CHODL: variants seen among roughly 807,000 people sequenced by gnomAD.
CHODL encodes transmembrane protein MT75.
A neutral mutation model predicts 34.5 loss-of-function variants in CHODL; 29 were observed. That is an observed-to-expected ratio of 0.84 (90% confidence interval 0.63 to 1.15). The LOEUF is 1.15. CHODL is among the 50% of genes most tolerant of loss of function. The pLI is 0.00. For synonymous variants in CHODL, 125 were observed against 116.1 expected, an observed-to-expected ratio of 1.08 and a Z score of -0.49; for missense variants, 332 against 332.5, an observed-to-expected ratio of 1.00 and a Z score of 0.01.
At chr21:17,964,352 C>T (rs1473170551) in intron 1 of CHODL, among the ~76,000 whole-genome samples, 1 of 152,010 alleles carries the variant, frequency 6.6e-6, no homozygotes, top group African/African-American at 2.4e-5. Context: ...CACACAGTCA[C>T]ACACACACAC....
At chr21:18,251,156 G>A (rs527941933) in intron 1 of CHODL, among the ~76,000 whole-genome samples, 12 of 151,104 alleles carry the variant, frequency 7.9e-5, no homozygotes, top group African/African-American at 2.9e-4. Context: ...ATTGCCAAGA[G>A]CATTTAAACC....
At chr21:18,139,513 T>G (rs183921471) in intron 2 of CHODL, among the ~76,000 whole-genome samples, 21 of 151,962 alleles carry the variant, frequency 1.4e-4, no homozygotes, top group Middle Eastern at 3.4e-3. Flanking sequence ...AGAGACTGAG[T>G]TAATGGAAGG....
At chr21:18,114,055 C>T (rs1299718507) in intron 2 of CHODL, among the ~76,000 whole-genome samples, 3 of 152,104 alleles carry the variant, frequency 2.0e-5, no homozygotes, top group Admixed American at 2.0e-4. Flanking sequence ...ATACAAACAT[C>T]ACATGTTCTC....
At chr21:18,006,997 G>T (rs565748930) in intron 1 of CHODL, among the ~76,000 whole-genome samples, 1 of 152,212 alleles carries the variant, frequency 6.6e-6, no homozygotes, top group South Asian at 2.1e-4. Flanking sequence ...TCTAATTTGG[G>T]GTTCAGTTGC....
chr21:18,171,838 C>G (rs114202132), intron 2 of CHODL, among the ~76,000 whole-genome samples: 2,981 of 151,766 alleles, frequency 0.02, 93 homozygotes, highest in African/African-American at 0.068. Flanking sequence ...AGTTAGCTTA[C>G]TGGCCAGCTA....
rs895136642 is a variant in CHODL at position 17,956,467 on chromosome 21, G to A, written c.-145+39067G>A. 7.3e-5 allele frequency among the ~76,000 whole-genome samples: 10 copies of A among 136,516 alleles called. 1 individual carries two copies. The highest frequency in any genetic ancestry group is 2.5e-4 in the African/African-American group (10 of 39,866). 89.6% of individuals were successfully genotyped at this position (136,516 alleles called of 152,430 possible). ...ACCTAGTCTCAGATATTTCTTTATT[G>A]CAATGCAAGAACAACCTAAGATACC... On this transcript the variant is annotated intron_variant, in intron 1 of 6. Coordinates refer to the CHODL transcript ENST00000400127.
chr21:17,917,504 A>G (rs1424184348), intron 1 of CHODL: 1 of 152,220 alleles, frequency 6.6e-6, no homozygotes, highest in Non-Finnish European at 1.5e-5. Context: ...GGGGCTAGCG[A>G]CCACAGAGAG....
intron 2 of CHODL, among the ~76,000 whole-genome samples, chr21:18,057,834 A>T (rs914232633): frequency 2.6e-5 from 4 of 152,120 alleles, no homozygotes; most frequent in African/African-American, 7.2e-5. Flanking sequence ...CTTTAAAAAA[A>T]ACTTAAAAAT....
At chr21:17,994,885 G>A (rs1276881847) in intron 1 of CHODL, among the ~76,000 whole-genome samples, 1 of 152,144 alleles carries the variant, frequency 6.6e-6, no homozygotes, top group South Asian at 2.1e-4. Context: ...CACTGGAGGG[G>A]GATGGGGTTA....
intron 2 of CHODL, among the ~76,000 whole-genome samples, chr21:18,109,801 T>G (rs1346320611): frequency 6.6e-6 from 1 of 152,118 alleles, no homozygotes; most frequent in Non-Finnish European, 1.5e-5. Flanking sequence ...ATAAGTATTC[T>G]TTTCCTAAGT....
intron 2 of CHODL, among the ~76,000 whole-genome samples, chr21:18,116,020 T>G (rs2065408397): frequency 6.6e-6 from 1 of 152,204 alleles, no homozygotes; most frequent in African/African-American, 2.4e-5. Context: ...TCTTAATACA[T>G]TTCCTACTTT....
intron 1 of CHODL, among the ~76,000 whole-genome samples, chr21:17,957,258 T>G (rs1478648451): frequency 6.6e-6 from 1 of 152,180 alleles, no homozygotes; most frequent in African/African-American, 2.4e-5. Flanking sequence ...CAACCGTGTC[T>G]CATATCTAGT....
chr21:17,966,125 G>A lies in CHODL; in HGVS notation c.-145+48725G>A, dbSNP rs143496969. ...AGGTTCAGATTTGATAAGAAATGAT[G>A]GAGAGATGGCATTCATGTCATCAGC... is the stretch of plus-strand genomic sequence containing the variant. On this transcript the variant is annotated intron_variant, in intron 1 of 6. Transcript: ENST00000400127. Among the ~76,000 whole-genome samples the A allele has an allele frequency of 4.1e-3, 620 of 152,098 alleles. 8 individuals are homozygous for A. Among genetic ancestry groups the A allele is most frequent in the African/African-American group, 0.014 (599 of 41,492 alleles).
intron 1 of CHODL, among the ~76,000 whole-genome samples, chr21:18,248,180 T>G (rs1327294390): frequency 1.3e-5 from 2 of 151,876 alleles, no homozygotes; most frequent in Non-Finnish European, 2.9e-5. Context: ...TTTAGGAGAC[T>G]GGGTGATTTA....
At chr21:18,209,833 C>T (rs1242917209) in intron 2 of CHODL, among the ~76,000 whole-genome samples, 1 of 152,136 alleles carries the variant, frequency 6.6e-6, no homozygotes, top group Non-Finnish European at 1.5e-5. Context: ...GGAGCTAGGA[C>T]CTGGAATGGG....
chr21:18,266,148 C>G lies in CHODL; in HGVS notation c.*110C>G. The G allele has an allele frequency of 6.3e-7, 1 of 1,596,398 alleles. No individual in the cohort carries two copies. The highest frequency in any genetic ancestry group is 8.6e-7 in the Non-Finnish European group (1 of 1,169,488). ...AATCACAAAGGATCTGCAAGATGAA[C>G]TGTAAGCTCCCCCTTGAGGCAAATA... On this transcript the variant is annotated 3_prime_UTR_variant, in exon 6 of 6. Coordinates refer to ENST00000299295, the MANE Select transcript of CHODL (RefSeq NM_024944.3).
At chr21:18,263,270 C>A (rs960713237) in intron 5 of CHODL, among the ~76,000 whole-genome samples, 1 of 152,106 alleles carries the variant, frequency 6.6e-6, no homozygotes, top group Non-Finnish European at 1.5e-5. Flanking sequence ...TAATGCTAAA[C>A]TTTTCAATCT....
intron 1 of CHODL, among the ~76,000 whole-genome samples, chr21:17,991,231 G>A (rs192358052): frequency 2.6e-5 from 4 of 152,040 alleles, no homozygotes; most frequent in East Asian, 3.9e-4. Context: ...TTGATTTCTT[G>A]TCTTGGCTTT....
At position 18,174,157 on chromosome 21, in the gene CHODL, A is replaced by ATATATATATATATATATATATATG. The variant is rs1555879240; in HGVS notation, c.-44-82348_-44-82347insTATATATATATATATATATGTATA. Among the ~76,000 whole-genome samples, 7 of 88,220 alleles carry ATATATATATATATATATATATATG rather than the reference A, an allele frequency of 7.9e-5. 1 individual carries two copies. The highest frequency in any genetic ancestry group is 2.7e-4 in the African/African-American group (7 of 26,358). 57.9% of individuals were successfully genotyped at this position (88,220 alleles called of 152,430 possible). On this transcript the variant is annotated intron_variant, in intron 2 of 6. Transcript: ENST00000400127. ...TATATATATATATATATATATATAT[A>ATATATATATATATATATATATATG]TATAAAATCAAGTCTCTCAGAGTAG...
Sources: gnomAD v4.1 joint callset for allele counts (sites outside exome capture counted in the v4.1 genomes callset) on GRCh38, gnomAD v4.1.1 for gene constraint, MANE v1.5 for transcripts, NCBI Gene and HGNC (gene_info 2026-07-23, HGNC 2026-07-21) for gene names.